The following DKC1 variants were observed in gnomAD, a reference collection of about 807,000 sequenced individuals.
DKC1 encodes dyskerin pseudouridine synthase 1.
Under a neutral mutation model 46.7 loss-of-function variants are expected in DKC1, and 4 were observed. The ratio of observed to expected loss-of-function variants is 0.09; its 90% CI spans 0.04 to 0.20. The LOEUF is 0.20. Ranked by LOEUF, DKC1 falls within the 10% of genes least tolerant of loss-of-function variation. The pLI, the probability that DKC1 is intolerant of heterozygous loss-of-function variation, is 1.00. For missense variants in DKC1, 171 were observed against 404.2 expected (o/e 0.42, Z 4.95); for synonymous variants, 141 against 142.4 (o/e 0.99, Z 0.07).
At chrX:154,765,149 A>C in intron 2 of DKC1, 183 bp downstream of exon 2, 2 of 482,987 alleles carry the variant, frequency 4.1e-6, no homozygotes, top group Non-Finnish European at 7.2e-6. Context: ...CTTCAGGCAT[A>C]GCTTACTAAA....
intron 7 of DKC1, among the ~76,000 whole-genome samples, chrX:154,767,720 A>C: frequency 8.9e-6 from 1 of 111,963 alleles, no homozygotes; most frequent in East Asian, 2.8e-4. Context: ...ACTGCTTAGA[A>C]GTTTCTGTTG....
chrX:154,765,051 G>A (rs2071728790), intron 2 of DKC1, 85 bp downstream of exon 2: 3 of 851,650 alleles, frequency 3.5e-6, no homozygotes, highest in East Asian at 3.1e-5. Context: ...TGTTTTTAAA[G>A]GTTTCCAAGG....
intron 7 of DKC1, chrX:154,767,905 C>T (rs1171872828): frequency 4.9e-5 from 8 of 161,670 alleles, no homozygotes; most frequent in Admixed American, 1.0e-4. Flanking sequence ...GGCTGGAGTG[C>T]GGTGGCATGA....
chrX:154,770,929 C>G lies in DKC1; in HGVS notation c.1036+50C>G, dbSNP rs372283965. The G allele has an allele frequency of 4.3e-6, 5 of 1,150,985 alleles. No homozygotes were observed. The African/African-American group carries it at 8.9e-5, about 21-fold the overall frequency. 94.9% of individuals were successfully genotyped at this position (1,150,985 alleles called of 1,213,427 possible). On this transcript the variant is annotated intron_variant, in intron 10 of 14. Transcript: ENST00000369550. ...AATTCTAAATGTTTGTGGTTACATA[C>G]TAGGTGTATATATTTATGGGGTTCA...
intron 12 of DKC1, chrX:154,774,950 T>C: frequency 1.7e-6 from 1 of 573,578 alleles, no homozygotes; most frequent in Admixed American, 2.2e-5. Flanking sequence ...GCTCTTCAGC[T>C]CCCGTGAGAT....
At chrX:154,770,467 T>TTAAAAAA (rs782272867) in intron 9 of DKC1, among the ~76,000 whole-genome samples, 8 of 67,767 alleles carry the variant, frequency 1.2e-4, no homozygotes, top group African/African-American at 4.1e-4. Context: ...GCCTGAAAAT[T>TTAAAAAA]AAAAAAAAAA....
rs371788133 is a variant in DKC1 at position 154,764,222 on chromosome X, A to G, written c.17-677A>G. Among the ~76,000 whole-genome samples the G allele has an allele frequency of 1.9e-4, 20 of 107,870 alleles. No individual in the cohort carries two copies. In the East Asian group the frequency reaches 4.0e-3, roughly 21 times the overall value. The allele number at this position is 107,870 out of a possible 115,157, so 93.7% of individuals were successfully genotyped here. ...ATATATGTATATTATATATGTATGT[A>G]TTATATGTATGTATATTATATATAT... On this transcript the variant is annotated intron_variant, in intron 1 of 14. Coordinates refer to ENST00000369550, the MANE Select transcript of DKC1 (RefSeq NM_001363.5).
At chrX:154,766,782 T>G (rs1449592431) in intron 5 of DKC1, among the ~76,000 whole-genome samples, 1 of 111,993 alleles carries the variant, frequency 8.9e-6, no homozygotes, top group African/African-American at 3.3e-5. Context: ...TACTCCCAAC[T>G]GTCCCTGTTA....
chrX:154,772,394 T>G (rs1224311585), intron 10 of DKC1, among the ~76,000 whole-genome samples: 1 of 112,235 alleles, frequency 8.9e-6, no homozygotes, highest in East Asian at 2.8e-4. Context: ...ATGAGTTAAA[T>G]GTAGGTGTGT....
intron 8 of DKC1, chrX:154,768,655 C>T: frequency 1.9e-6 from 1 of 513,428 alleles, no homozygotes; most frequent in Non-Finnish European, 3.4e-6. Flanking sequence ...TCCCAGCCTA[C>T]AAAAATGCCT....
At chrX:154,764,460 G>A (rs1414339297) in intron 1 of DKC1, among the ~76,000 whole-genome samples, 1 of 110,994 alleles carries the variant, frequency 9.0e-6, no homozygotes, top group African/African-American at 3.3e-5. Context: ...TTAGCTTACT[G>A]TAACTTTATA....
In DKC1 at chrX:154,774,632, G is replaced by C; in HGVS notation, c.1186G>C (p.Gly396Arg). 8.3e-7 allele frequency: 1 copy of C among 1,211,748 alleles called. No homozygotes were observed. The highest frequency in any genetic ancestry group is 1.1e-6 in the Non-Finnish European group (1 of 895,397). ...ASQKKLMIKQ[G>R]LLDKHGKPTD... Reference sequence around the variant, plus strand: ...TCAGAAGAAGCTGATGATCAAGCAGGGCCTTCTGGACAAGCATGGGAAGCC... The same window carrying C: ...TCAGAAGAAGCTGATGATCAAGCAGCGCCTTCTGGACAAGCATGGGAAGCC... Residue 396 changes from glycine to arginine, a missense_variant, in exon 12 of 15, where the codon GGC becomes CGC. By Grantham distance (125) the Gly-to-Arg change is moderately radical. This residue lies in a region of DKC1 where 60 missense variants were observed against 206.5 expected (regional missense o/e 0.29). Transcript: ENST00000369550.
Position 154,767,246 on chromosome X carries a change from T to G in DKC1, c.514-10T>G. Reference sequence around the variant, plus strand: ...ATGAGGTGTTTGTTTTCATTTGTGTTTGTTCTTAGGCCCTAGAAACTCTGA... The same window carrying G: ...ATGAGGTGTTTGTTTTCATTTGTGTGTGTTCTTAGGCCCTAGAAACTCTGA... On this transcript the variant is annotated splice_polypyrimidine_tract_variant and intron_variant, in intron 6 of 14. Transcript: ENST00000369550. 2 of 1,211,769 alleles carry G rather than the reference T, an allele frequency of 1.7e-6. No homozygotes were observed. The highest frequency in any genetic ancestry group is 2.2e-6 in the Non-Finnish European group (2 of 895,456).
chrX:154,776,437 G>A (rs2071897313), intron 14 of DKC1, 113 bp downstream of exon 14: 6 of 1,035,412 alleles, frequency 5.8e-6, no homozygotes, highest in Non-Finnish European at 7.9e-6. Flanking sequence ...TGGCCTGGGG[G>A]TGGGATGCCA....
intron 12 of DKC1, 130 bp from the exon 13 acceptor site, chrX:154,775,065 G>A (rs782784774): frequency 1.5e-6 from 1 of 651,597 alleles, no homozygotes. Context: ...GCAACAGTAA[G>A]TGGTGAGTTC....
chrX:154,764,018 G>A (rs1156306744), intron 1 of DKC1, among the ~76,000 whole-genome samples: 1 of 109,706 alleles, frequency 9.1e-6, no homozygotes, highest in African/African-American at 3.3e-5. Flanking sequence ...AAATTTAGGT[G>A]GGCGTGGTGG....
chrX:154,763,211 C>T (rs1285153314), intron 1 of DKC1, among the ~76,000 whole-genome samples: 2 of 112,182 alleles, frequency 1.8e-5, no homozygotes, highest in African/African-American at 6.5e-5. Flanking sequence ...GGCCCTCTCA[C>T]CTCCCTGGGG....
intron 8 of DKC1, 198 bp downstream of exon 8, chrX:154,768,630 T>C (rs188563482): frequency 7.2e-6 from 4 of 555,997 alleles, no homozygotes; most frequent in African/African-American, 4.5e-5. Context: ...GAAAGTATTA[T>C]TCTATTCATT....
intron 2 of DKC1, 152 bp from the exon 3 acceptor site, chrX:154,765,292 T>C: frequency 1.7e-6 from 1 of 572,278 alleles, no homozygotes; most frequent in South Asian, 2.3e-5. Flanking sequence ...TACTCCTGGT[T>C]CATTTCTTCT....
Sources: gnomAD v4.1 joint callset for allele counts (sites outside exome capture counted in the v4.1 genomes callset) on GRCh38, gnomAD v4.1.1 for gene constraint, gnomAD v4.1.1 regional missense constraint, MANE v1.5 for transcripts, NCBI Gene and HGNC (gene_info 2026-07-23, HGNC 2026-07-21) for gene names.